The following DGKB variants were observed in gnomAD, a reference collection of about 807,000 sequenced individuals.
The protein encoded by DGKB is diacylglycerol kinase beta.
DGKB carries 67 observed loss-of-function variants against 114.3 expected under a neutral mutation model. The ratio of observed to expected loss-of-function variants is 0.59; its 90% confidence interval spans 0.48 to 0.72. The LOEUF (loss-of-function observed/expected upper bound fraction) is 0.72. Among genes scored for constraint, DGKB ranks in the 30% least tolerant of loss-of-function variants. DGKB has a pLI of 0.00. For synonymous variants in DGKB, 398 were observed against 323.1 expected (o/e 1.23, Z -2.49); for missense variants, 907 against 975.2 (o/e 0.93, Z 0.93).
At chr7:14,269,663 A>T (rs1289036716) in intron 23 of DGKB, among the ~76,000 whole-genome samples, 1 of 152,216 alleles carries the variant, frequency 6.6e-6, no homozygotes. Flanking sequence ...TAGCTAGATC[A>T]GGAGAAATAG....
At chr7:14,648,422 G>A (rs1421395502) in intron 13 of DGKB, among the ~76,000 whole-genome samples, 4 of 152,154 alleles carry the variant, frequency 2.6e-5, no homozygotes, top group East Asian at 3.9e-4. Context: ...CAACAGACCT[G>A]CAGCTGAGGG....
intron 21 of DGKB, 26 bp downstream of exon 21, chr7:14,478,135 T>C (rs776776704): frequency 1.3e-6 from 2 of 1,520,424 alleles, no homozygotes; most frequent in African/African-American, 1.4e-5. Context: ...ACTATATCTA[T>C]AATTTCATCT....
chr7:14,646,283 AT>A (rs1374556147), intron 13 of DGKB, among the ~76,000 whole-genome samples: 2 of 152,224 alleles, frequency 1.3e-5, no homozygotes, highest in Non-Finnish European at 2.9e-5. Flanking sequence ...AAAGAAGGTC[AT>A]TAGATAAAAA....
At chr7:14,968,066 A>G (rs935361438) in intron 1 of DGKB, among the ~76,000 whole-genome samples, 2 of 152,154 alleles carry the variant, frequency 1.3e-5, no homozygotes, top group Admixed American at 1.3e-4. Context: ...ACCTTTGTCC[A>G]TTTCTCCTTA....
chr7:14,284,936 C>T lies in DGKB; in HGVS notation c.2122+53579G>A, dbSNP rs145811303. Among the ~76,000 whole-genome samples the T allele has an allele frequency of 1.3e-4, 19 of 151,464 alleles. 2 individuals are homozygous for T. The highest frequency in any genetic ancestry group is 4.6e-4 in the African/African-American group (19 of 41,290). On this transcript the variant is annotated intron_variant, in intron 23 of 25. Transcript: ENST00000402815. Reference sequence around the variant, plus strand: ...AGATGACGAGTTAGTGGGTGAAGCACACCAGCATGGCACATGTATATGTAT... The same window carrying T: ...AGATGACGAGTTAGTGGGTGAAGCATACCAGCATGGCACATGTATATGTAT...
chr7:14,279,133 A>T, intron 23 of DGKB, among the ~76,000 whole-genome samples: 1 of 152,134 alleles, frequency 6.6e-6, no homozygotes, highest in Non-Finnish European at 1.5e-5. Context: ...CGGCACCTGG[A>T]AAATCGGGTC....
At chr7:14,238,076 T>G (rs1051952476) in intron 23 of DGKB, among the ~76,000 whole-genome samples, 2 of 152,034 alleles carry the variant, frequency 1.3e-5, no homozygotes, top group African/African-American at 4.8e-5. Flanking sequence ...AAAGGAAAAT[T>G]TCTCTGAAAC....
chr7:14,752,328 T>A (rs1586223477), intron 4 of DGKB, among the ~76,000 whole-genome samples: 1 of 125,262 alleles, frequency 8.0e-6, no homozygotes, highest in South Asian at 2.3e-4. Flanking sequence ...ATCCCCAGGT[T>A]CCTTATTAAG....
chr7:14,801,715 C>T (rs1423319409), intron 2 of DGKB, among the ~76,000 whole-genome samples: 1 of 151,974 alleles, frequency 6.6e-6, no homozygotes, highest in Non-Finnish European at 1.5e-5. Flanking sequence ...ATTACACCAC[C>T]ATCTTTCCTG....
intron 20 of DGKB, among the ~76,000 whole-genome samples, chr7:14,572,908 T>C (rs565321737): frequency 6.6e-6 from 1 of 152,284 alleles, no homozygotes; most frequent in Non-Finnish European, 1.5e-5. Context: ...ATTTTAGATA[T>C]TTTTAAATAT....
At chr7:14,729,123 C>CT (rs1162368398) in intron 5 of DGKB, among the ~76,000 whole-genome samples, 23,586 of 113,498 alleles carry the variant, frequency 0.21, 2,950 homozygotes, top group African/African-American at 0.24. Flanking sequence ...CATTTTCTTT[C>CT]TTTTTTTTTT....
At chr7:14,359,101 GATATATATATAT>G (rs144055630) in intron 21 of DGKB, among the ~76,000 whole-genome samples, 1 of 149,566 alleles carries the variant, frequency 6.7e-6, no homozygotes, top group Non-Finnish European at 1.5e-5. Flanking sequence ...TACCAAAACA[GATATATATATAT>G]ATATGTATAT....
intron 13 of DGKB, among the ~76,000 whole-genome samples, chr7:14,650,040 A>C (rs1221775189): frequency 3.3e-5 from 5 of 152,024 alleles, no homozygotes; most frequent in Non-Finnish European, 5.9e-5. Flanking sequence ...CCCACGCATT[A>C]ATAAAGGGAG....
intron 2 of DGKB, chr7:14,814,294 T>TTA: frequency 6.6e-6 from 1 of 152,266 alleles, no homozygotes; most frequent in East Asian, 1.9e-4. Context: ...TACAACCACT[T>TTA]TATTACCAGA....
At chr7:14,906,422 AATCT>A (rs1194474362), upstream of DGKB, among the ~76,000 whole-genome samples, 8 of 150,434 alleles carry the variant, frequency 5.3e-5, no homozygotes, top group Non-Finnish European at 1.2e-4. Context: ...ATTAGATAGA[AATCT>A]ATCTTTTTTC....
At chr7:14,504,226 C>G (rs1162006607) in intron 20 of DGKB, among the ~76,000 whole-genome samples, 1 of 152,124 alleles carries the variant, frequency 6.6e-6, no homozygotes, top group Non-Finnish European at 1.5e-5. Context: ...CCAAACTTTT[C>G]ATGGAGCCTT....
chr7:14,670,139 A>T (rs1045955327), intron 13 of DGKB, among the ~76,000 whole-genome samples: 1 of 152,124 alleles, frequency 6.6e-6, no homozygotes, highest in Non-Finnish European at 1.5e-5. Flanking sequence ...AAATATTCAT[A>T]GTGAAATAAT....
At chr7:14,873,453 G>A (rs763350263) in intron 1 of DGKB, among the ~76,000 whole-genome samples, 1 of 151,986 alleles carries the variant, frequency 6.6e-6, no homozygotes, top group African/African-American at 2.4e-5. Flanking sequence ...TATAAGGCAG[G>A]AAGATAATAA....
At chr7:14,904,099 G>A (rs1783517453), upstream of DGKB, among the ~76,000 whole-genome samples, 3 of 152,042 alleles carry the variant, frequency 2.0e-5, no homozygotes, top group Admixed American at 2.0e-4. Context: ...AATGGAAGAC[G>A]TTCTCAAATC....
Sources: allele counts gnomAD v4.1 joint callset (sites outside exome capture counted in the v4.1 genomes callset), GRCh38; gene constraint gnomAD v4.1.1; transcripts MANE v1.5; gene names NCBI Gene and HGNC (gene_info 2026-07-23, HGNC 2026-07-21).